ZNF841: variants seen among roughly 807,000 people sequenced by gnomAD.
ZNF841 encodes TCONS_00006091.
Under a neutral mutation model 13.0 loss-of-function variants are expected in ZNF841, and 11 were observed. The observed-to-expected ratio is 0.85, with a 90% CI of 0.53 to 1.40. ZNF841 has a LOEUF of 1.40. ZNF841 is among the 40% of genes most tolerant of loss of function. The pLI, the probability that ZNF841 is intolerant of heterozygous loss-of-function variation, is 0.00. For synonymous variants in ZNF841, 369 were observed against 381.6 expected, an observed-to-expected ratio of 0.97 and a Z score of 0.38; for missense variants, 1,068 against 1,139.5, an observed-to-expected ratio of 0.94 and a Z score of 0.90.
chr19:52,072,156 T>C (rs576623318), intron 6 of ZNF841, among the ~76,000 whole-genome samples: 2 of 152,322 alleles, frequency 1.3e-5, no homozygotes, highest in East Asian at 3.9e-4. Context: ...GATATAACAA[T>C]ATGTGCCTAT....
At chr19:52,089,519 C>T (rs776379419) in intron 2 of ZNF841, among the ~76,000 whole-genome samples, 5 of 152,028 alleles carry the variant, frequency 3.3e-5, no homozygotes, top group Non-Finnish European at 5.9e-5. Context: ...TGGTGACACA[C>T]GCTTGTAGTT....
intron 4 of ZNF841, among the ~76,000 whole-genome samples, chr19:52,084,377 A>G (rs2088201402): frequency 6.6e-6 from 1 of 152,188 alleles, no homozygotes; most frequent in Admixed American, 6.5e-5. Flanking sequence ...CCTTAGAGGC[A>G]TCTTTTCAAG....
intron 3 of ZNF841, among the ~76,000 whole-genome samples, chr19:52,085,653 G>T (rs2088248262): frequency 6.6e-6 from 1 of 152,212 alleles, no homozygotes; most frequent in African/African-American, 2.4e-5. Context: ...TGCACCTGCA[G>T]CTGAGGGGCC....
chr19:52,064,308 T>TGCAGTCC (rs1207313230), downstream of ZNF841, among the ~76,000 whole-genome samples: 5 of 126,442 alleles, frequency 4.0e-5, no homozygotes, highest in Non-Finnish European at 7.9e-5. Flanking sequence ...ATTGCGCCAC[T>TGCAGTCC]GCAGTCCGCA....
intron 2 of ZNF841, among the ~76,000 whole-genome samples, chr19:52,089,836 T>C (rs909587664): frequency 1.9e-4 from 29 of 152,166 alleles, no homozygotes; most frequent in African/African-American, 6.5e-4. Flanking sequence ...GAGCCTTCTA[T>C]GGACTCCCCT....
chr19:52,065,956 A>T lies in ZNF841; in HGVS notation c.1926T>A (p.Arg642=). ...KVFSYYSCLA[R]HRKIHTGEKP... ...TCTCTCCGGTATGAATTTTCCGATG[A>T]CGTGCTAGGCATGAGTAGTAACTGA... Residue 642 remains arginine (R), a synonymous_variant, in exon 7 of 7, where the codon CGT becomes CGA. Coordinates refer to ENST00000594440, the MANE Select transcript of ZNF841 (RefSeq NM_001136499.2). 6.2e-7 allele frequency: 1 copy of T among 1,613,526 alleles called. No individual in the cohort carries two copies. The highest frequency in any genetic ancestry group is 8.5e-7 in the Non-Finnish European group (1 of 1,179,872).
At chr19:52,061,413 C>T (rs2087394177), downstream of ZNF841, among the ~76,000 whole-genome samples, 1 of 152,152 alleles carries the variant, frequency 6.6e-6, no homozygotes, top group South Asian at 2.1e-4. Flanking sequence ...GGCAAATGGT[C>T]AGAAATCCCA....
At chr19:52,078,695 T>C (rs1208523480) in intron 4 of ZNF841, among the ~76,000 whole-genome samples, 2 of 125,016 alleles carry the variant, frequency 1.6e-5, no homozygotes, top group African/African-American at 6.8e-5. Flanking sequence ...CAAGACTCCA[T>C]CTCGGAAAAA....
Position 52,066,749 on chromosome 19 carries a change from C to G in ZNF841, c.1133G>C (p.Cys378Ser). Residue 378 changes from cysteine to serine, a missense_variant, in exon 7 of 7, where the codon TGT becomes TCT. Coordinates refer to ENST00000594440, the MANE Select transcript of ZNF841 (RefSeq NM_001136499.2). The part of the protein sequence containing the change: ...TGEKPYKCNR[C>S]GKCFSQSSSL... The stretch of plus-strand genomic sequence containing the variant: ...GGAACTTTGACTAAAGCACTTCCCA[C>G]ATCGATTACATTTGTAAGGTTTCTC... 6.2e-7 allele frequency: 1 copy of G among 1,612,326 alleles called. No individual in the cohort carries two copies. The highest frequency in any genetic ancestry group is 8.5e-7 in the Non-Finnish European group (1 of 1,179,008).
chr19:52,082,788 T>C (rs184269647), intron 4 of ZNF841, among the ~76,000 whole-genome samples: 316 of 152,294 alleles, frequency 2.1e-3, no homozygotes, highest in African/African-American at 7.2e-3. Flanking sequence ...CATAAAAACA[T>C]GTACATTTCA....
chr19:52,080,657 C>T (rs1315289515), intron 4 of ZNF841, among the ~76,000 whole-genome samples: 1 of 152,078 alleles, frequency 6.6e-6, no homozygotes, highest in African/African-American at 2.4e-5. Context: ...CACAGACAAA[C>T]GCTAAGTGCA....
chr19:52,090,330 G>A (rs1271336825), intron 2 of ZNF841, among the ~76,000 whole-genome samples: 2 of 152,078 alleles, frequency 1.3e-5, no homozygotes, highest in Admixed American at 1.3e-4. Flanking sequence ...GGAGGCTGAG[G>A]TGGGAGGATT....
chr19:52,090,024 C>T (rs1285733021), intron 2 of ZNF841, among the ~76,000 whole-genome samples: 1 of 152,156 alleles, frequency 6.6e-6, no homozygotes, highest in Non-Finnish European at 1.5e-5. Flanking sequence ...AACTTGCCAG[C>T]AAGTGCTGAC....
chr19:52,088,700 G>A (rs570838937), intron 3 of ZNF841, among the ~76,000 whole-genome samples: 3 of 152,108 alleles, frequency 2.0e-5, no homozygotes, highest in Admixed American at 1.3e-4. Context: ...TGCTTAATGT[G>A]CCCCGTGATG....
intron 4 of ZNF841, among the ~76,000 whole-genome samples, chr19:52,079,147 T>C (rs1220934827): frequency 6.6e-6 from 1 of 152,102 alleles, no homozygotes; most frequent in Non-Finnish European, 1.5e-5. Context: ...TACAAAATTT[T>C]AAAAGTATAT....
In ZNF841 at chr19:52,079,836, A is replaced by G. The variant is rs188407347; in HGVS notation, c.16-2752T>C. 2.3e-4 allele frequency among the ~76,000 whole-genome samples: 35 copies of G among 152,186 alleles called. 1 individual carries two copies. In the East Asian group the frequency reaches 6.0e-3, roughly 26 times the overall value. On this transcript the variant is annotated intron_variant, in intron 4 of 6. Transcript: ENST00000594440. ...GAGAAATCCCGTCTCTACTAAAAAT[A>G]CAAAATTAGCCGAGCATGGTGGCAC...
intron 6 of ZNF841, among the ~76,000 whole-genome samples, chr19:52,070,380 G>A (rs2087705367): frequency 6.6e-6 from 1 of 152,196 alleles, no homozygotes; most frequent in Admixed American, 6.5e-5. Context: ...TAGTGGACAA[G>A]GGCCCTGAGC....
chr19:52,065,165 G>C lies in ZNF841; in HGVS notation c.2717C>G (p.Thr906Ser), dbSNP rs1262383429. Residue 906 changes from threonine (T) to serine (S), a missense_variant, in exon 7 of 7, where the codon ACT becomes AGT. By Grantham distance (58) the Thr-to-Ser change is moderately conservative (BLOSUM62 1). Transcript: ENST00000594440. ...TAACGGCCTTTCCACATTGAGTTTA[G>C]TTGTAAGGTTCTCTCCAGCATGTTT... ...QIKHAGENLTTKLNVERPLDV... is the reference protein window; with the variant it reads ...QIKHAGENLTSKLNVERPLDV... 1.3e-6 allele frequency: 2 copies of C among 1,583,278 alleles called. No individual in the cohort carries two copies. The highest frequency in any genetic ancestry group is 3.6e-5 in the Admixed American group (2 of 55,758).
At chr19:52,073,489 C>T (rs2087802396) in intron 6 of ZNF841, among the ~76,000 whole-genome samples, 1 of 151,900 alleles carries the variant, frequency 6.6e-6, no homozygotes, top group Non-Finnish European at 1.5e-5. Context: ...TTAGTAGAAA[C>T]AGGGATTCAC....
Sources: allele counts gnomAD v4.1 joint callset (sites outside exome capture counted in the v4.1 genomes callset), GRCh38; gene constraint gnomAD v4.1.1; transcripts MANE v1.5; gene names NCBI Gene and HGNC (gene_info 2026-07-23, HGNC 2026-07-21).